The following MAZ variants were observed in gnomAD, a reference collection of about 807,000 sequenced individuals.
MAZ encodes the protein myc-associated zinc finger protein.
In MAZ, 4 loss-of-function variants were observed where a neutral mutation model predicts 32.7. The observed-to-expected ratio is 0.12, with a 90% CI of 0.06 to 0.28. MAZ has a LOEUF of 0.28. Among genes scored for constraint, MAZ ranks in the 10% least tolerant of loss-of-function variants. The probability of loss-of-function intolerance (pLI) is 1.00; values close to 1 mark genes in which losing one functional copy is unlikely to be tolerated. For missense variants in MAZ, 763 were observed against 667.2 expected, an observed-to-expected ratio of 1.14 and a Z score of -1.58; for synonymous variants, 510 against 297.6, an observed-to-expected ratio of 1.71 and a Z score of -7.35.
intron 4 of MAZ, chr16:29,809,516 C>G: frequency 6.6e-7 from 1 of 1,512,602 alleles, no homozygotes; most frequent in Non-Finnish European, 9.2e-7. Context: ...GACCCCCGCC[C>G]CATCCCAATC....
At chr16:29,806,957 C>G (rs1441902070) in intron 1 of MAZ, 21 bp from the exon 2 acceptor site, 3 of 1,100,488 alleles carry the variant, frequency 2.7e-6, no homozygotes, top group East Asian at 1.2e-4. Context: ...CCGCGGCCCA[C>G]TCGGCGCCTT....
At chr16:29,806,272 T>C, upstream of MAZ, 2 of 95,602 alleles carry the variant, frequency 2.1e-5, no homozygotes, top group Middle Eastern at 6.8e-3. Flanking sequence ...GCGCGCCCGG[T>C]GCGCGCGCAG....
At chr16:29,808,055 G>GGCGGCGGCGGCA (rs749976756) in intron 2 of MAZ, 175 bp from the exon 3 acceptor site, 2 of 1,002,660 alleles carry the variant, frequency 2.0e-6, no homozygotes, top group Non-Finnish European at 2.9e-6. Flanking sequence ...GGGAGGAGGC[G>GGCGGCGGCGGCA]GCGGCGGCGG....
chr16:29,807,309 C>T lies in MAZ; in HGVS notation c.524C>T (p.Pro175Leu), dbSNP rs780466757. The change falls in exon 2 of 5, where the codon CCG (proline) becomes CTG (leucine). Residue 175 changes from proline (P) to leucine (L), a missense_variant. Transcript: ENST00000322945. The part of the protein sequence containing the change: ...VAPTSTVAVA[P>L]VASALEKKTK... ...CCAACCTCGACGGTCGCCGTGGCCCCGGTCGCGTCTGCCTTGGAGAAGAAG... is the reference window on the plus strand; with the variant it reads ...CCAACCTCGACGGTCGCCGTGGCCCTGGTCGCGTCTGCCTTGGAGAAGAAG... The T allele has an allele frequency of 8.2e-6, 13 of 1,588,644 alleles. No homozygotes were observed. Among genetic ancestry groups the T allele is most frequent in the South Asian group, 3.4e-5 (3 of 87,994 alleles).
At chr16:29,809,215 G>T in intron 4 of MAZ, 1 of 511,454 alleles carries the variant, frequency 2.0e-6, no homozygotes, top group Non-Finnish European at 3.5e-6. Context: ...GGAGGGAAGG[G>T]GACACAGCCG....
In MAZ at chr16:29,807,917, C is replaced by A. The variant is rs767054055; in HGVS notation, c.1043+89C>A. The stretch of plus-strand genomic sequence containing the variant: ...TGGCCGTGGCTGGCGGGGAGGGAGG[C>A]GGCTGCTGAGGCTGGGGAAGGGGAG... On this transcript the variant is annotated intron_variant, in intron 2 of 4. Coordinates refer to ENST00000322945, the MANE Select transcript of MAZ (RefSeq NM_002383.4). 2.0e-6 allele frequency: 3 copies of A among 1,535,588 alleles called. No individual in the cohort carries two copies. In the East Asian group the frequency reaches 6.9e-5, roughly 36 times the overall value.
Position 29,810,094 on chromosome 16 carries a change from C to G in MAZ, c.1297C>G (p.Pro433Ala), listed in dbSNP as rs1180212794. The change falls in exon 5 of 5, where the codon CCA becomes GCA. Residue 433 changes from proline (P) to alanine (A), a missense_variant. Pro to Ala is a conservative substitution (Grantham distance 27). Coordinates refer to ENST00000322945, the MANE Select transcript of MAZ (RefSeq NM_002383.4). ...CTGTGCAGGTACTGGTGAGGTTTGT[C>G]CAATGGCGGCGGCAGCGGCAGCGGC... ...LCNKGTGEVC[P>A]MAAAAAAAAA... is the part of the protein sequence containing the mutation. 6.2e-7 allele frequency: 1 copy of G among 1,609,350 alleles called. No homozygotes were observed. The highest frequency in any genetic ancestry group is 1.3e-5 in the African/African-American group (1 of 74,424).
rs899071534 is a variant in MAZ at position 29,809,042 on chromosome 16, C to G, written c.1279+301C>G. 2.0e-4 allele frequency: 108 copies of G among 541,380 alleles called. 1 individual carries two copies. The highest frequency in any genetic ancestry group is 3.4e-4 in the Non-Finnish European group (105 of 309,414). 33.5% of individuals were successfully genotyped at this position (541,380 alleles called of 1,614,324 possible). On this transcript the variant is annotated intron_variant, in intron 4 of 4. Transcript: ENST00000322945. ...TCAAGAAAGCCAGTTCCAGGGGTCA[C>G]AAGGCAAGGTTTCCGCTGCGCAGCC...
rs945759315 is a variant in MAZ, at chr16:29,810,575, T to C, written c.*344T>C. The stretch of plus-strand genomic sequence containing the variant: ...CTGTCTTCCCAGGGACTTGTGAGCC[T>C]CTTCCCTCGACGGTCCTCTTCTCTC... On this transcript the variant is annotated 3_prime_UTR_variant, in exon 5 of 5. Transcript: ENST00000322945. 7.2e-6 allele frequency: 5 copies of C among 695,088 alleles called. No individual in the cohort carries two copies. The highest frequency in any genetic ancestry group is 1.3e-5 in the Non-Finnish European group (5 of 380,706). The allele number at this position is 695,088 out of a possible 1,614,324, so 43.1% of individuals were successfully genotyped here.
At chr16:29,808,534 C>A in intron 3 of MAZ, 36 bp from the exon 4 acceptor site, 6 of 1,457,722 alleles carry the variant, frequency 4.1e-6, no homozygotes, top group Non-Finnish European at 5.6e-6. Flanking sequence ...CTTTAACTCT[C>A]CTGTGACACC....
chr16:29,807,958 A>G lies in MAZ; in HGVS notation c.1043+130A>G, dbSNP rs990926452. ...GGAAGGGGAGCCACTCCCAGGGCGG[A>G]GGGAGGAAGCCTCTCCCGGTTACCA... On this transcript the variant is annotated intron_variant, in intron 2 of 4. Coordinates refer to ENST00000322945, the MANE Select transcript of MAZ (RefSeq NM_002383.4). The G allele has an allele frequency of 2.1e-6, 3 of 1,459,946 alleles. No individual in the cohort carries two copies. The South Asian group carries it at 4.0e-5, about 19-fold the overall frequency. The allele number at this position is 1,459,946 out of a possible 1,614,324, so 90.4% of individuals were successfully genotyped here.
In MAZ at chr16:29,807,262, G is replaced by A; in HGVS notation, c.477G>A (p.Ala159=). The A allele has an allele frequency of 1.4e-6, 2 of 1,444,464 alleles. No individual in the cohort carries two copies. The highest frequency in any genetic ancestry group is 1.4e-5 in the South Asian group (1 of 69,890). The allele number at this position is 1,444,464 out of a possible 1,614,324, so 89.5% of individuals were successfully genotyped here. Residue 159 remains alanine, a synonymous_variant, in exon 2 of 5, where the codon GCG becomes GCA. Transcript: ENST00000322945. ...CCTCCGCCGCCACTATCGCCGCGGC[G>A]GCGGCCACCGCCGTCGTAGCCCCAA... ...PPASAATIAA[A]AATAVVAPTS... is the part of the protein sequence containing the mutation.
Position 29,806,796 on chromosome 16 carries a change from C to A in MAZ, c.95C>A (p.Pro32Gln). ...RGVGGLMNSFPPPQGHAQNPL... is the reference protein window; with the variant it reads ...RGVGGLMNSFQPPQGHAQNPL... ...GTGGGCGGCCTCATGAACTCCTTCC[C>A]GCCACCTCAGGGTCACGCCCAGAAC... Residue 32 changes from proline (P) to glutamine (Q), a missense_variant, in exon 1 of 5, where the codon CCG becomes CAG. By Grantham distance (76) the Pro-to-Gln change is moderately conservative. Coordinates refer to ENST00000322945, the MANE Select transcript of MAZ (RefSeq NM_002383.4). The A allele has an allele frequency of 7.0e-7, 1 of 1,434,180 alleles. No homozygotes were observed. The highest frequency in any genetic ancestry group is 9.2e-7 in the Non-Finnish European group (1 of 1,087,084). The allele number at this position is 1,434,180 out of a possible 1,614,324, so 88.8% of individuals were successfully genotyped here.
At chr16:29,806,926 G>A (rs758472099) in intron 1 of MAZ, 33 bp downstream of exon 1, 32 of 1,243,500 alleles carry the variant, frequency 2.6e-5, no homozygotes, top group African/African-American at 3.3e-5. Context: ...GCCCGGGCTG[G>A]GGGGGGACGC....
Position 29,810,132 on chromosome 16 carries a change from A to T in MAZ, c.1335A>T (p.Ala445=). The change falls in exon 5 of 5, where the codon GCA becomes GCT. Residue 445 remains alanine (A), a synonymous_variant. Coordinates refer to ENST00000322945, the MANE Select transcript of MAZ (RefSeq NM_002383.4). Reference sequence around the variant, plus strand: ...CAGCGGCAGCGGCGGCAGCGGCAGCAGCGGCAGCAGTAGCAGCCCCTCCCA... The same window carrying T: ...CAGCGGCAGCGGCGGCAGCGGCAGCTGCGGCAGCAGTAGCAGCCCCTCCCA... ...AAAAAAAAAA[A]AAAVAAPPTA... 6.2e-7 allele frequency: 1 copy of T among 1,607,768 alleles called. No individual in the cohort carries two copies. The highest frequency in any genetic ancestry group is 8.5e-7 in the Non-Finnish European group (1 of 1,176,426).
intron 4 of MAZ, chr16:29,809,719 C>T (rs1223095509): frequency 4.7e-6 from 7 of 1,474,266 alleles, no homozygotes; most frequent in East Asian, 2.4e-5. Context: ...GGGAGACGCC[C>T]CCCAGCCACA....
chr16:29,807,177 C>G lies in MAZ; in HGVS notation c.392C>G (p.Pro131Arg). ...GACACAGCGGCCCTGAAGCAGCCTC[C>G]GGCGCCCCCTCCGCCACCCCCGCCA... ...TVDTAALKQP[P>R]APPPPPPPVS... Residue 131 changes from proline to arginine, a missense_variant, in exon 2 of 5, where the codon CCG becomes CGG. Coordinates refer to ENST00000322945, the MANE Select transcript of MAZ (RefSeq NM_002383.4). The G allele has an allele frequency of 1.8e-6, 2 of 1,119,986 alleles. No homozygotes were observed. The highest frequency in any genetic ancestry group is 2.2e-6 in the Non-Finnish European group (2 of 895,000). The allele number at this position is 1,119,986 out of a possible 1,614,324, so 69.4% of individuals were successfully genotyped here. A position where few individuals can be genotyped will look rare whatever the true frequency, so the allele number is the denominator to read the frequency against.
At chr16:29,808,430 G>T in intron 3 of MAZ, 137 bp downstream of exon 3, 1 of 1,010,734 alleles carries the variant, frequency 9.9e-7, no homozygotes, top group Non-Finnish European at 1.5e-6. Flanking sequence ...CCTTCTTCAA[G>T]GCCTCATCAT....
In MAZ at chr16:29,807,338, AAG is replaced by A; in HGVS notation, c.556_557del (p.Ser186GlnfsTer144). On this transcript the variant is annotated frameshift_variant, in exon 2 of 5. Transcript: ENST00000322945. LOFTEE classifies it high-confidence loss of function. ...CGCGTCTGCCTTGGAGAAGAAGACA[AAG>A]AGCAAGGGGCCCTACATCTGCGCTC... ...PVASALEKKT[K>X]SKGPYICALC... The A allele has an allele frequency of 6.2e-7, 1 of 1,611,218 alleles. No homozygotes were observed. The highest frequency in any genetic ancestry group is 8.5e-7 in the Non-Finnish European group (1 of 1,179,254).
Sources: allele counts gnomAD v4.1 joint callset, GRCh38; gene constraint gnomAD v4.1.1; transcripts MANE v1.5; gene names NCBI Gene and HGNC (gene_info 2026-07-23, HGNC 2026-07-21).